Variants in ARHGEF28 observed in about 807,000 individuals in gnomAD.
The protein encoded by ARHGEF28 is Rho guanine nucleotide exchange factor 28, also known as 190 kDa guanine nucleotide exchange factor.
Under a neutral mutation model 206.6 loss-of-function variants are expected in ARHGEF28, and 152 were observed. The observed-to-expected ratio is 0.74, with a 90% CI of 0.64 to 0.84. ARHGEF28 has a LOEUF of 0.84. Ranked by LOEUF, ARHGEF28 falls within the 40% of genes least tolerant of loss-of-function variation. ARHGEF28 has a pLI of 0.00. For synonymous variants in ARHGEF28, 763 were observed against 776.4 expected (o/e 0.98, Z 0.29); for missense variants, 2,028 against 2,073.2 (o/e 0.98, Z 0.42).
chr5:73,910,533 T>TCA (rs1404282937), intron 34 of ARHGEF28, among the ~76,000 whole-genome samples: 1 of 152,056 alleles, frequency 6.6e-6, no homozygotes, highest in Non-Finnish European at 1.5e-5. Context: ...GGAGGCACAC[T>TCA]CACTGCGAGC....
intron 9 of ARHGEF28, among the ~76,000 whole-genome samples, chr5:73,806,321 ACTC>A (rs994926780): frequency 1.1e-4 from 14 of 128,712 alleles, no homozygotes; most frequent in African/African-American, 3.7e-4. Context: ...GTATATATAT[ACTC>A]TATAGAGTAT....
chr5:73,908,574 T>C (rs576873859), intron 33 of ARHGEF28: 1 of 152,344 alleles, frequency 6.6e-6, no homozygotes, highest in East Asian at 1.9e-4. Context: ...TGTGGAATCC[T>C]TCCAAATCTT....
intron 29 of ARHGEF28, among the ~76,000 whole-genome samples, chr5:73,896,572 C>T (rs1025741552): frequency 4.6e-5 from 7 of 152,234 alleles, no homozygotes; most frequent in African/African-American, 1.7e-4. Flanking sequence ...AGGATGTGAT[C>T]ACAGAAGTTA....
chr5:73,794,415 A>G lies in ARHGEF28; in HGVS notation c.924A>G (p.Ser308=). Residue 308 remains serine, a synonymous_variant, in exon 8 of 36, where the codon TCA becomes TCG. Coordinates refer to ENST00000513042, the MANE Select transcript of ARHGEF28 (RefSeq NM_001177693.2). ...GAETEEEIKN[S]VSSRSAAEKE... ...TTTCTTTTGCAGAGATTAAGAATTC[A>G]GTGTCCAGCAGATCAGCAGCTGAAA... is the stretch of plus-strand genomic sequence containing the variant. 1 of 1,602,470 alleles carries G rather than the reference A, an allele frequency of 6.2e-7. No individual in the cohort carries two copies. The highest frequency in any genetic ancestry group is 8.5e-7 in the Non-Finnish European group (1 of 1,173,798).
chr5:73,830,330 G>A (rs1355435350), intron 9 of ARHGEF28, among the ~76,000 whole-genome samples: 30 of 152,074 alleles, frequency 2.0e-4, no homozygotes, highest in African/African-American at 2.4e-5. Flanking sequence ...GAGGCGGCTG[G>A]ATCACGAGGT....
chr5:73,702,922 A>G (rs1483356124), intron 2 of ARHGEF28, among the ~76,000 whole-genome samples: 1 of 152,244 alleles, frequency 6.6e-6, no homozygotes, highest in African/African-American at 2.4e-5. Flanking sequence ...ATTCCCTGAC[A>G]TCTGAATGTG....
intron 4 of ARHGEF28, among the ~76,000 whole-genome samples, chr5:73,761,681 A>G (rs1752608604): frequency 6.6e-6 from 1 of 152,096 alleles, no homozygotes; most frequent in South Asian, 2.1e-4. Flanking sequence ...GTCCTTTTCC[A>G]CACCTATAAC....
intron 22 of ARHGEF28, among the ~76,000 whole-genome samples, chr5:73,880,977 G>A (rs1760886488): frequency 6.6e-6 from 1 of 151,590 alleles, no homozygotes; most frequent in South Asian, 2.1e-4. Flanking sequence ...ACATTTAAGT[G>A]TGTGTTGTAC....
At chr5:73,878,371 TTTATCCAA>T (rs1186836211) in intron 22 of ARHGEF28, among the ~76,000 whole-genome samples, 2 of 151,894 alleles carry the variant, frequency 1.3e-5, no homozygotes, top group Admixed American at 1.3e-4. Context: ...GTCTTGACTC[TTTATCCAA>T]TTTGCCAGTC....
chr5:73,813,442 T>C (rs887397842), intron 9 of ARHGEF28: 211 of 1,413,528 alleles, frequency 1.5e-4, no homozygotes, highest in Admixed American at 2.7e-5. Flanking sequence ...TTTATTGCCT[T>C]TCCCTCCCTG....
At chr5:73,721,146 C>T (rs1249539652) in intron 2 of ARHGEF28, among the ~76,000 whole-genome samples, 1 of 152,070 alleles carries the variant, frequency 6.6e-6, no homozygotes, top group African/African-American at 2.4e-5. Flanking sequence ...CTCCCTTTGG[C>T]CTGGAAGAGC....
At chr5:73,843,259 T>G (rs983632649) in intron 11 of ARHGEF28, among the ~76,000 whole-genome samples, 26 of 152,088 alleles carry the variant, frequency 1.7e-4, no homozygotes, top group Admixed American at 1.6e-3. Context: ...TGAGTACAGG[T>G]AATTAGAAGC....
At chr5:73,895,044 G>A (rs939214538) in intron 29 of ARHGEF28, among the ~76,000 whole-genome samples, 4 of 152,164 alleles carry the variant, frequency 2.6e-5, no homozygotes, top group African/African-American at 4.8e-5. Context: ...CAGTGCAGGC[G>A]ATGAGTCCAG....
At chr5:73,660,656 C>A (rs1189469369) in intron 1 of ARHGEF28, among the ~76,000 whole-genome samples, 1 of 152,176 alleles carries the variant, frequency 6.6e-6, no homozygotes, top group East Asian at 1.9e-4. Context: ...CCTTGGGCTG[C>A]AGAATTAATA....
intron 4 of ARHGEF28, among the ~76,000 whole-genome samples, chr5:73,753,523 G>A (rs1752140201): frequency 6.6e-6 from 1 of 152,216 alleles, no homozygotes; most frequent in African/African-American, 2.4e-5. Flanking sequence ...TGTGGGAAGG[G>A]GACATTGCTG....
At chr5:73,900,934 A>G (rs1332034008) in intron 30 of ARHGEF28, 2 of 363,916 alleles carry the variant, frequency 5.5e-6, no homozygotes, top group South Asian at 3.2e-5. Context: ...CAAGAAAGAA[A>G]AGTACAAAGA....
intron 9 of ARHGEF28, among the ~76,000 whole-genome samples, chr5:73,807,677 G>T (rs1450083815): frequency 6.6e-6 from 1 of 151,606 alleles, no homozygotes; most frequent in Non-Finnish European, 1.5e-5. Flanking sequence ...GTAGAGATGG[G>T]GTTTCACTAA....
intron 2 of ARHGEF28, among the ~76,000 whole-genome samples, chr5:73,722,062 G>T (rs1197273727): frequency 6.6e-6 from 1 of 152,126 alleles, no homozygotes; most frequent in African/African-American, 2.4e-5. Context: ...CTATTCAGTG[G>T]TAATTGAAAA....
At chr5:73,648,647 C>A (rs1744595770) in intron 1 of ARHGEF28, among the ~76,000 whole-genome samples, 1 of 152,160 alleles carries the variant, frequency 6.6e-6, no homozygotes, top group South Asian at 2.1e-4. Context: ...ACATGCCTGG[C>A]CTTGCATCAT....
Sources: gnomAD v4.1 joint callset for allele counts (sites outside exome capture counted in the v4.1 genomes callset) on GRCh38, gnomAD v4.1.1 for gene constraint, MANE v1.5 for transcripts, NCBI Gene and HGNC (gene_info 2026-07-23, HGNC 2026-07-21) for gene names.